GLRA2: variants seen among roughly 807,000 people sequenced by gnomAD.
GLRA2 encodes the protein glycine receptor alpha 2.
A neutral mutation model predicts 31.6 loss-of-function variants in GLRA2; 11 were observed. The ratio of observed to expected loss-of-function variants is 0.35; its 90% CI spans 0.22 to 0.58. The LOEUF is 0.58. Ranked by LOEUF, GLRA2 falls within the 20% of genes least tolerant of loss-of-function variation. The pLI is 0.84. For missense variants in GLRA2, 212 were observed against 351.8 expected (o/e 0.60, Z 3.18); for synonymous variants, 132 against 134.0 (o/e 0.99, Z 0.10).
At chrX:14,472,148 A>C in the GLRA2 span, among the ~76,000 whole-genome samples, 1 of 111,968 alleles carries the variant, frequency 8.9e-6, no homozygotes, top group Non-Finnish European at 1.9e-5. Flanking sequence ...CTGTTCAAAT[A>C]GGTTGCCTAG....
the GLRA2 span, among the ~76,000 whole-genome samples, chrX:14,468,510 C>T: frequency 2.7e-5 from 3 of 111,744 alleles, no homozygotes; most frequent in Non-Finnish European, 5.6e-5. Flanking sequence ...AGGACTACCT[C>T]GTAAGATTAA....
chrX:14,689,717 T>C (rs1377387206), intron 7 of GLRA2, among the ~76,000 whole-genome samples: 1 of 112,298 alleles, frequency 8.9e-6, no homozygotes, highest in Non-Finnish European at 1.9e-5. Flanking sequence ...GGAAACTCTA[T>C]TTAAAAATTA....
intron 4 of GLRA2, among the ~76,000 whole-genome samples, chrX:14,582,215 C>CA (rs1238257915): frequency 1.3e-5 from 1 of 75,108 alleles, no homozygotes; most frequent in Non-Finnish European, 2.6e-5. Flanking sequence ...CTATCCCTCC[C>CA]CCTCCCCACC....
At chrX:14,642,612 ATACAT>A (rs2147129905) in intron 7 of GLRA2, among the ~76,000 whole-genome samples, 1 of 110,697 alleles carries the variant, frequency 9.0e-6, no homozygotes, top group South Asian at 3.8e-4. Flanking sequence ...TTTTTTTACA[ATACAT>A]CATGTTATAG....
chrX:14,707,251 G>C (rs1294676525), intron 8 of GLRA2, among the ~76,000 whole-genome samples: 2 of 111,489 alleles, frequency 1.8e-5, no homozygotes. Context: ...CCAGCTGGCT[G>C]AATCTAAATC....
At position 14,579,322 on chromosome X, in the gene GLRA2, A is replaced by G. The variant is rs1177151279; in HGVS notation, c.271-1861A>G. ...CTTCTTAAGGAAGAATCAAGAATCTATTACAAGCCTGACTTTTTTTTTTTT... is the reference window on the plus strand; with the variant it reads ...CTTCTTAAGGAAGAATCAAGAATCTGTTACAAGCCTGACTTTTTTTTTTTT... On this transcript the variant is annotated intron_variant, in intron 3 of 8. Coordinates refer to ENST00000218075, the MANE Select transcript of GLRA2 (RefSeq NM_002063.4). Among the ~76,000 whole-genome samples, 5 of 105,622 alleles carry G rather than the reference A, an allele frequency of 4.7e-5. No homozygotes were observed. The East Asian group carries it at 1.5e-3, about 31-fold the overall frequency. The allele number at this position is 105,622 out of a possible 115,157, so 91.7% of individuals were successfully genotyped here.
At chrX:14,570,005 ATAT>A (rs1383045950) in intron 2 of GLRA2, among the ~76,000 whole-genome samples, 1 of 112,385 alleles carries the variant, frequency 8.9e-6, no homozygotes, top group Non-Finnish European at 1.9e-5. Context: ...CAAAGGACAA[ATAT>A]TATACGGTTC....
chrX:14,524,370 G>C (rs999074280), upstream of GLRA2, among the ~76,000 whole-genome samples: 4 of 111,813 alleles, frequency 3.6e-5, no homozygotes, highest in Non-Finnish European at 7.5e-5. Flanking sequence ...ATAGTGAGAA[G>C]AGAGTCTATT....
chrX:14,665,276 ATCT>A (rs2091027743), intron 7 of GLRA2, among the ~76,000 whole-genome samples: 1 of 111,818 alleles, frequency 8.9e-6, no homozygotes, highest in South Asian at 3.7e-4. Context: ...ATCTAAATAC[ATCT>A]TCTGAATAGC....
chrX:14,684,051 A>AAAAT (rs1365857711), intron 7 of GLRA2, among the ~76,000 whole-genome samples: 4 of 111,321 alleles, frequency 3.6e-5, no homozygotes, highest in African/African-American at 9.8e-5. Flanking sequence ...AAAAAACTAA[A>AAAAT]AAATAAATAA....
intron 7 of GLRA2, among the ~76,000 whole-genome samples, chrX:14,678,964 T>C (rs2091172024): frequency 9.0e-6 from 1 of 111,145 alleles, no homozygotes; most frequent in South Asian, 3.8e-4. Context: ...TCATGGAAGA[T>C]TTTAGCGGTC....
intron 2 of GLRA2, among the ~76,000 whole-genome samples, chrX:14,554,896 T>C (rs1220571060): frequency 2.7e-5 from 3 of 112,215 alleles, no homozygotes; most frequent in Non-Finnish European, 5.6e-5. Flanking sequence ...CTATTAGTTA[T>C]ATAATTTGCA....
At chrX:14,488,377 GAGTTAGAGA>G in the GLRA2 span, among the ~76,000 whole-genome samples, 3 of 112,202 alleles carry the variant, frequency 2.7e-5, no homozygotes, top group Admixed American at 9.5e-5. Context: ...GTTGAACAGG[GAGTTAGAGA>G]AGTCACAGTC....
intron 2 of GLRA2, among the ~76,000 whole-genome samples, chrX:14,568,692 C>CA (rs1390018705): frequency 6.7e-3 from 156 of 23,407 alleles, no homozygotes; most frequent in East Asian, 0.022. Context: ...GACTCTGTCT[C>CA]AAAAAAAAAA....
intron 2 of GLRA2, among the ~76,000 whole-genome samples, chrX:14,537,168 C>A (rs1269183114): frequency 2.7e-5 from 3 of 111,189 alleles, no homozygotes; most frequent in African/African-American, 9.8e-5. Flanking sequence ...TTGCAAAGTA[C>A]ATATAGCATG....
intron 8 of GLRA2, among the ~76,000 whole-genome samples, chrX:14,691,435 G>T (rs2091360188): frequency 9.0e-6 from 1 of 111,322 alleles, no homozygotes. Context: ...GATAAATCCA[G>T]TGAGACTGGC....
At chrX:14,577,906 G>A (rs1032773067) in intron 3 of GLRA2, among the ~76,000 whole-genome samples, 1 of 111,542 alleles carries the variant, frequency 9.0e-6, no homozygotes, top group Non-Finnish European at 1.9e-5. Flanking sequence ...CAGAAAAATT[G>A]GTCAAAAAAA....
chrX:14,456,679 T>A, the GLRA2 span, among the ~76,000 whole-genome samples: 1 of 112,684 alleles, frequency 8.9e-6, no homozygotes, highest in Admixed American at 9.4e-5. Flanking sequence ...TTACCATGAA[T>A]GACAAGATCT....
At chrX:14,677,439 A>C (rs1198296285) in intron 7 of GLRA2, among the ~76,000 whole-genome samples, 3 of 111,921 alleles carry the variant, frequency 2.7e-5, no homozygotes, top group African/African-American at 9.7e-5. Flanking sequence ...GCGAAGACTA[A>C]ACTGGATGAT....
Sources: gnomAD v4.1 joint callset for allele counts (sites outside exome capture counted in the v4.1 genomes callset) on GRCh38, gnomAD v4.1.1 for gene constraint, MANE v1.5 for transcripts, NCBI Gene and HGNC (gene_info 2026-07-23, HGNC 2026-07-21) for gene names.